ABI2: variants seen among roughly 807,000 people sequenced by gnomAD.
ABI2 encodes the protein abelson interactor 2.
In ABI2, 25 loss-of-function variants were observed where a neutral mutation model predicts 59.2. The observed-to-expected ratio is 0.42, with a 90% confidence interval of 0.31 to 0.59. The LOEUF (loss-of-function observed/expected upper bound fraction) is 0.59. Ranked by LOEUF, ABI2 falls within the 20% of genes least tolerant of loss-of-function variation. The probability of loss-of-function intolerance (pLI) is 0.14; values close to 1 mark genes in which losing one functional copy is unlikely to be tolerated. For synonymous variants in ABI2, 213 were observed against 235.5 expected (o/e 0.90, Z 0.87); for missense variants, 545 against 681.8 (o/e 0.80, Z 2.23).
At chr2:203,384,752 G>A (rs947834789) in intron 4 of ABI2, among the ~76,000 whole-genome samples, 8 of 151,534 alleles carry the variant, frequency 5.3e-5, no homozygotes, top group Non-Finnish European at 1.2e-4. Flanking sequence ...AAGCATATTA[G>A]TTTAATCAAA....
chr2:203,379,166 TAATG>T (rs1318272168), intron 2 of ABI2, among the ~76,000 whole-genome samples: 1 of 152,184 alleles, frequency 6.6e-6, no homozygotes, highest in Admixed American at 6.5e-5. Flanking sequence ...ATAAATAAAT[TAATG>T]AAATATTTTA....
intron 1 of ABI2, among the ~76,000 whole-genome samples, chr2:203,349,031 C>T (rs1163293319): frequency 2.6e-5 from 4 of 151,696 alleles, no homozygotes; most frequent in Non-Finnish European, 5.9e-5. Context: ...CTCGTGGGTT[C>T]AAGTGATTCT....
intron 1 of ABI2, among the ~76,000 whole-genome samples, chr2:203,357,251 T>C (rs1162606479): frequency 6.6e-6 from 1 of 152,234 alleles, no homozygotes; most frequent in African/African-American, 2.4e-5. Flanking sequence ...TCCAGTCCTT[T>C]TAATATAACA....
intron 4 of ABI2, among the ~76,000 whole-genome samples, chr2:203,389,583 C>T (rs1300555821): frequency 2.0e-5 from 3 of 152,138 alleles, no homozygotes; most frequent in Non-Finnish European, 4.4e-5. Context: ...ATTCTGATTT[C>T]AATGGTATGA....
At chr2:203,367,970 C>T (rs2094632368) in intron 2 of ABI2, among the ~76,000 whole-genome samples, 1 of 151,660 alleles carries the variant, frequency 6.6e-6, no homozygotes. Flanking sequence ...ATGACATGCC[C>T]TTCAGCCTGG....
At chr2:203,397,735 G>T (rs2153418354) in intron 8 of ABI2, among the ~76,000 whole-genome samples, 1 of 152,270 alleles carries the variant, frequency 6.6e-6, no homozygotes, top group African/African-American at 2.4e-5. Flanking sequence ...CATGATAGTG[G>T]CATCTGCTTG....
intron 1 of ABI2, among the ~76,000 whole-genome samples, chr2:203,337,573 A>G (rs1162183421): frequency 8.5e-5 from 13 of 152,248 alleles, no homozygotes; most frequent in Non-Finnish European, 2.9e-5. Context: ...ACACAAAGCC[A>G]TCTACAGATT....
rs538432891 is a variant in ABI2 at position 203,395,990 on chromosome 2, C to G, written c.850+210C>G. Among the ~76,000 whole-genome samples the G allele has an allele frequency of 7.2e-5, 11 of 152,232 alleles. No individual in the cohort carries two copies. In the East Asian group the frequency reaches 2.1e-3, roughly 29 times the overall value. On this transcript the variant is annotated intron_variant, in intron 7 of 11. Transcript: ENST00000261018. ...TCTCTTTATGCCTTTGGTGATGTGG[C>G]TCAGTTGCTGCTTTGAGGTTTCAGA...
chr2:203,388,699 T>A (rs1670232961), intron 4 of ABI2, among the ~76,000 whole-genome samples: 1 of 151,858 alleles, frequency 6.6e-6, no homozygotes, highest in Non-Finnish European at 1.5e-5. Flanking sequence ...ATAATAATAA[T>A]AATAAATGTC....
chr2:203,387,982 T>C (rs1005193191), intron 4 of ABI2, among the ~76,000 whole-genome samples: 4 of 152,172 alleles, frequency 2.6e-5, no homozygotes, highest in African/African-American at 7.2e-5. Context: ...GATGGCTGTC[T>C]AGTAAATATA....
intron 9 of ABI2, among the ~76,000 whole-genome samples, chr2:203,404,554 T>G (rs568996683): frequency 1.3e-5 from 2 of 152,284 alleles, no homozygotes; most frequent in East Asian, 3.9e-4. Context: ...CACGCCTGGC[T>G]AATTTTTGTT....
intron 2 of ABI2, among the ~76,000 whole-genome samples, chr2:203,369,589 G>A (rs2094907389): frequency 6.6e-6 from 1 of 152,178 alleles, no homozygotes; most frequent in African/African-American, 2.4e-5. Flanking sequence ...GTCAATTAAT[G>A]CTGTCTTTTA....
chr2:203,377,315 A>G (rs2095772678), intron 2 of ABI2, among the ~76,000 whole-genome samples: 1 of 152,072 alleles, frequency 6.6e-6, no homozygotes. Flanking sequence ...ACCTGTTGCA[A>G]AAAAATGTAT....
rs941481206 is a variant in ABI2 at position 203,406,134 on chromosome 2, T to C, written c.1192+3400T>C. ...GTAAGGAGGGGGTCATAGAAACACA[T>C]AGGGCTAATTATGAGTTAACAGTCT... On this transcript the variant is annotated intron_variant, in intron 9 of 11. Transcript: ENST00000261018. Among the ~76,000 whole-genome samples, 6 of 152,298 alleles carry C rather than the reference T, an allele frequency of 3.9e-5. No individual in the cohort carries two copies. The East Asian group carries it at 1.2e-3, about 29-fold the overall frequency.
intron 9 of ABI2, among the ~76,000 whole-genome samples, chr2:203,405,911 T>C (rs1481800313): frequency 1.3e-5 from 2 of 152,234 alleles, no homozygotes; most frequent in Admixed American, 6.5e-5. Flanking sequence ...AGTTAAAATA[T>C]GGAACACCCA....
chr2:203,388,832 A>C (rs553499827), intron 4 of ABI2, among the ~76,000 whole-genome samples: 73 of 152,316 alleles, frequency 4.8e-4, no homozygotes, highest in African/African-American at 1.7e-3. Flanking sequence ...ACCAAAACTT[A>C]AAACAAATAT....
rs190807240 is a variant in ABI2, at chr2:203,408,273, C to T, written c.1193-3012C>T. Among the ~76,000 whole-genome samples the T allele has an allele frequency of 3.9e-3, 588 of 151,522 alleles. 1 individual carries two copies. The highest frequency in any genetic ancestry group is 6.3e-3 in the Non-Finnish European group (425 of 67,952). On this transcript the variant is annotated intron_variant, in intron 9 of 11. Transcript: ENST00000261018. ...TACCTCCTGGGTTCAAGCGATTCTC[C>T]TGGTTCAGCCTCCCGAGTAGCTGGG... is the stretch of plus-strand genomic sequence containing the variant.
chr2:203,334,010 C>T (rs2075276704), intron 1 of ABI2, among the ~76,000 whole-genome samples: 2 of 147,636 alleles, frequency 1.4e-5, no homozygotes, highest in African/African-American at 5.1e-5. Context: ...GCGTGATCTT[C>T]GCTCACTACA....
chr2:203,382,507 A>G (rs2096203113), intron 4 of ABI2, among the ~76,000 whole-genome samples: 1 of 152,186 alleles, frequency 6.6e-6, no homozygotes, highest in Admixed American at 6.5e-5. Flanking sequence ...ATTTTGTGAA[A>G]CTGAAATGTA....
Sources: allele counts gnomAD v4.1 joint callset (sites outside exome capture counted in the v4.1 genomes callset), GRCh38; gene constraint gnomAD v4.1.1; transcripts MANE v1.5; gene names NCBI Gene and HGNC (gene_info 2026-07-23, HGNC 2026-07-21).